Variants in L3MBTL4 observed in about 807,000 individuals in gnomAD.
The protein encoded by L3MBTL4 is lethal(3)malignant brain tumor-like protein 4.
Under a neutral mutation model 84.5 loss-of-function variants are expected in L3MBTL4, and 70 were observed. That is an observed-to-expected ratio of 0.83 (90% CI 0.68 to 1.01). L3MBTL4 has a LOEUF of 1.01. L3MBTL4 is among the 50% of genes least tolerant of loss of function. L3MBTL4 has a pLI of 0.00. For synonymous variants in L3MBTL4, 274 were observed against 259.8 expected (o/e 1.05, Z -0.52); for missense variants, 715 against 754.8 (o/e 0.95, Z 0.62).
At chr18:6,039,001 C>T (rs2056281799) in intron 16 of L3MBTL4, among the ~76,000 whole-genome samples, 1 of 151,974 alleles carries the variant, frequency 6.6e-6, no homozygotes, top group Admixed American at 6.6e-5. Context: ...CTCTCTCTTT[C>T]TTTCTCTCTC....
intron 16 of L3MBTL4, among the ~76,000 whole-genome samples, chr18:6,023,492 T>A (rs2055362130): frequency 6.6e-6 from 1 of 152,166 alleles, no homozygotes; most frequent in Non-Finnish European, 1.5e-5. Context: ...GTGGACTAAT[T>A]TAGCTTTCTA....
chr18:5,958,059 A>AAGG (rs60828537), intron 18 of L3MBTL4, among the ~76,000 whole-genome samples: 9 of 127,716 alleles, frequency 7.0e-5, no homozygotes, highest in African/African-American at 9.2e-5. Context: ...GGAGAAGGAG[A>AAGG]AGGAGAAGAA....
intron 10 of L3MBTL4, among the ~76,000 whole-genome samples, chr18:6,234,696 G>A (rs929078212): frequency 1.3e-5 from 2 of 152,168 alleles, no homozygotes; most frequent in Non-Finnish European, 2.9e-5. Context: ...TGGAGAAATA[G>A]GAACACTTTT....
At chr18:6,409,802 A>C (rs1030631509) in intron 1 of L3MBTL4, among the ~76,000 whole-genome samples, 1 of 152,190 alleles carries the variant, frequency 6.6e-6, no homozygotes, top group East Asian at 1.9e-4. Flanking sequence ...TATTTCCCCT[A>C]GGGCTCACAC....
chr18:6,304,006 C>T (rs1469231999), intron 3 of L3MBTL4, among the ~76,000 whole-genome samples: 1 of 141,270 alleles, frequency 7.1e-6, no homozygotes, highest in Non-Finnish European at 1.5e-5. Flanking sequence ...AAGAGCTAAA[C>T]TCCATCTCAA....
intron 16 of L3MBTL4, among the ~76,000 whole-genome samples, chr18:5,984,059 A>G (rs1367769453): frequency 3.9e-5 from 6 of 152,016 alleles, no homozygotes; most frequent in Non-Finnish European, 7.4e-5. Context: ...CTACAGGTGC[A>G]TATCACTGTG....
At chr18:5,993,800 G>C (rs994902328) in intron 16 of L3MBTL4, among the ~76,000 whole-genome samples, 1 of 152,188 alleles carries the variant, frequency 6.6e-6, no homozygotes, top group African/African-American at 2.4e-5. Context: ...AATGTGAATA[G>C]ATACTGTATT....
chr18:6,255,018 A>C (rs2048080130), intron 5 of L3MBTL4, among the ~76,000 whole-genome samples: 1 of 152,224 alleles, frequency 6.6e-6, no homozygotes, highest in Non-Finnish European at 1.5e-5. Flanking sequence ...AACTTCTCAA[A>C]TTGTTTGATA....
At chr18:6,346,103 A>AATATATATATATAT (rs34294575) in intron 1 of L3MBTL4, among the ~76,000 whole-genome samples, 20 of 129,804 alleles carry the variant, frequency 1.5e-4, no homozygotes, top group Admixed American at 2.4e-4. Context: ...ATGATGTTGG[A>AATATATATATATAT]ATATATATAT....
intron 17 of L3MBTL4, among the ~76,000 whole-genome samples, chr18:5,962,549 G>A (rs774362919): frequency 6.6e-5 from 10 of 152,146 alleles, no homozygotes; most frequent in African/African-American, 9.7e-5. Context: ...CTGGTGGGAC[G>A]CTGGAATCCT....
intron 13 of L3MBTL4, among the ~76,000 whole-genome samples, chr18:6,164,932 A>G (rs1329444764): frequency 6.6e-6 from 1 of 152,204 alleles, no homozygotes; most frequent in East Asian, 1.9e-4. Context: ...AAAAACCTTG[A>G]AAAAAGATTA....
intron 7 of L3MBTL4, 75 bp from the exon 8 acceptor site, chr18:6,241,524 A>T: frequency 1.2e-6 from 1 of 821,924 alleles, no homozygotes. Flanking sequence ...AGGTTGGTGC[A>T]AAAGTAAGTG....
rs138441422 is a variant in L3MBTL4 at position 6,274,460 on chromosome 18, A to G, written c.128-10422T>C. On this transcript the variant is annotated intron_variant, in intron 4 of 18. Coordinates refer to ENST00000317931, the MANE Select transcript of L3MBTL4 (RefSeq NM_001330559.2). ...CCATGAGTCTCCATCCTCCCCAAACATGCATTTTTGCACTACAGCCCATTA... is the reference window on the plus strand; with the variant it reads ...CCATGAGTCTCCATCCTCCCCAAACGTGCATTTTTGCACTACAGCCCATTA... 3.1e-3 allele frequency among the ~76,000 whole-genome samples: 474 copies of G among 152,278 alleles called. 2 individuals are homozygous for G. Among genetic ancestry groups the G allele is most frequent in the Non-Finnish European group, 5.2e-3 (355 of 68,024 alleles).
chr18:6,085,052 G>A (rs188636345), intron 15 of L3MBTL4, among the ~76,000 whole-genome samples: 1 of 152,182 alleles, frequency 6.6e-6, no homozygotes, highest in African/African-American at 2.4e-5. Flanking sequence ...AAGCAAAATG[G>A]ACCAATGACC....
chr18:6,193,659 T>C (rs935709614), intron 12 of L3MBTL4, among the ~76,000 whole-genome samples: 1 of 152,186 alleles, frequency 6.6e-6, no homozygotes, highest in Non-Finnish European at 1.5e-5. Context: ...AAGGGCGAGA[T>C]ACAGTTGGGC....
chr18:6,306,101 A>G (rs1361547142), intron 3 of L3MBTL4, among the ~76,000 whole-genome samples: 1 of 152,244 alleles, frequency 6.6e-6, no homozygotes, highest in Non-Finnish European at 1.5e-5. Context: ...TGTAGAAAAC[A>G]GTGAAATCCT....
intron 16 of L3MBTL4, among the ~76,000 whole-genome samples, chr18:6,024,885 A>G (rs2055433280): frequency 6.6e-6 from 1 of 152,210 alleles, no homozygotes; most frequent in Non-Finnish European, 1.5e-5. Context: ...TATGCAGTTT[A>G]TGACTGTGAA....
chr18:6,238,854 A>G (rs2047329790), intron 9 of L3MBTL4, among the ~76,000 whole-genome samples: 1 of 152,154 alleles, frequency 6.6e-6, no homozygotes, highest in Non-Finnish European at 1.5e-5. Flanking sequence ...GTGGAGGGAC[A>G]TATGTGGAGA....
At chr18:6,228,289 A>T (rs1350246665) in intron 10 of L3MBTL4, among the ~76,000 whole-genome samples, 1 of 152,208 alleles carries the variant, frequency 6.6e-6, no homozygotes, top group Non-Finnish European at 1.5e-5. Context: ...TAAAACTCAC[A>T]AATATAAAAC....
Sources: gnomAD v4.1 joint callset for allele counts (sites outside exome capture counted in the v4.1 genomes callset) on GRCh38, gnomAD v4.1.1 for gene constraint, MANE v1.5 for transcripts, NCBI Gene and HGNC (gene_info 2026-07-23, HGNC 2026-07-21) for gene names.